Variants in PRKG1 observed in about 807,000 individuals in gnomAD.
PRKG1 encodes the protein protein kinase cGMP-dependent 1.
A neutral mutation model predicts 88.1 loss-of-function variants in PRKG1; 35 were observed. The observed-to-expected ratio is 0.40, with a 90% CI of 0.30 to 0.53. PRKG1 has a LOEUF of 0.53. Ranked by LOEUF, PRKG1 falls within the 20% of genes least tolerant of loss-of-function variation. The pLI, the probability that PRKG1 is intolerant of heterozygous loss-of-function variation, is 0.59. For synonymous variants in PRKG1, 303 were observed against 292.5 expected (o/e 1.04, Z -0.37); for missense variants, 540 against 839.8 (o/e 0.64, Z 4.41).
intron 3 of PRKG1, chr10:51,699,641 C>T (rs1253136858): frequency 3.4e-6 from 5 of 1,450,010 alleles, no homozygotes; most frequent in Non-Finnish European, 4.7e-6. Flanking sequence ...AAGCGGCTTT[C>T]AAGATCCGGG....
intron 2 of PRKG1, among the ~76,000 whole-genome samples, chr10:51,156,357 T>C (rs986753470): frequency 8.0e-6 from 1 of 124,500 alleles, no homozygotes; most frequent in African/African-American, 3.0e-5. Context: ...GAAATACTCA[T>C]GATAGGTGAT....
chr10:51,061,030 T>A (rs983805070), intron 1 of PRKG1, among the ~76,000 whole-genome samples: 2 of 148,742 alleles, frequency 1.3e-5, no homozygotes, highest in African/African-American at 5.1e-5. Flanking sequence ...CTGTTTTTCA[T>A]TGTAACAGTT....
chr10:51,464,219 C>T (rs751772668), intron 2 of PRKG1, among the ~76,000 whole-genome samples: 9 of 151,810 alleles, frequency 5.9e-5, no homozygotes, highest in Non-Finnish European at 1.2e-4. Flanking sequence ...ACCTGGGAGG[C>T]AGAGTTTGCC....
At chr10:51,211,704 C>T (rs1589247822) in intron 2 of PRKG1, among the ~76,000 whole-genome samples, 2 of 152,130 alleles carry the variant, frequency 1.3e-5, no homozygotes, top group South Asian at 4.2e-4. Flanking sequence ...CATGAGTGAG[C>T]TCCCATTCAC....
At chr10:52,015,155 G>T (rs1270060607) in intron 5 of PRKG1, among the ~76,000 whole-genome samples, 2 of 152,208 alleles carry the variant, frequency 1.3e-5, no homozygotes, top group African/African-American at 4.8e-5. Context: ...CCCTAGTATA[G>T]GTTCTCCACG....
At chr10:51,464,421 T>C (rs1319355755) in intron 2 of PRKG1, among the ~76,000 whole-genome samples, 3 of 152,230 alleles carry the variant, frequency 2.0e-5, no homozygotes, top group African/African-American at 7.2e-5. Context: ...TCAAAACTGC[T>C]ATTTCTCAAA....
chr10:51,569,714 C>T (rs1433326627), intron 3 of PRKG1, among the ~76,000 whole-genome samples: 3 of 151,918 alleles, frequency 2.0e-5, no homozygotes, highest in African/African-American at 7.2e-5. Context: ...CAGAAACCAA[C>T]CAGAACTACA....
chr10:51,568,752 C>A (rs756649471), intron 3 of PRKG1: 7 of 94,986 alleles, frequency 7.4e-5, no homozygotes, highest in Admixed American at 4.8e-4. Context: ...CATCATTACA[C>A]CCCCTGGCTT....
intron 2 of PRKG1, among the ~76,000 whole-genome samples, chr10:51,296,806 T>C (rs1840732838): frequency 6.6e-6 from 1 of 152,170 alleles, no homozygotes; most frequent in Non-Finnish European, 1.5e-5. Context: ...GGCATTTATG[T>C]TGTATTTTTG....
intron 5 of PRKG1, chr10:51,908,990 A>C (rs572199704): frequency 6.6e-6 from 1 of 152,184 alleles, no homozygotes; most frequent in Admixed American, 6.5e-5. Flanking sequence ...TCGGCCTCCC[A>C]AAGTGCTGGG....
chr10:52,068,740 AG>A (rs1175553992), intron 7 of PRKG1, among the ~76,000 whole-genome samples: 1 of 152,204 alleles, frequency 6.6e-6, no homozygotes, highest in Non-Finnish European at 1.5e-5. Context: ...GATAAAGTTT[AG>A]TGTACTGGCA....
chr10:51,636,958 C>A (rs1431241289), intron 3 of PRKG1, among the ~76,000 whole-genome samples: 1 of 152,122 alleles, frequency 6.6e-6, no homozygotes, highest in African/African-American at 2.4e-5. Context: ...ATCTTAGCAA[C>A]AAATTGGATT....
chr10:52,210,303 G>A (rs1839933933), intron 9 of PRKG1, among the ~76,000 whole-genome samples: 1 of 151,004 alleles, frequency 6.6e-6, no homozygotes, highest in Admixed American at 6.7e-5. Context: ...GTTAAGTCTC[G>A]GCCACTAGAT....
chr10:51,870,959 C>A (rs1262650219), intron 4 of PRKG1, among the ~76,000 whole-genome samples: 2 of 152,152 alleles, frequency 1.3e-5, no homozygotes, highest in Non-Finnish European at 2.9e-5. Flanking sequence ...TTTACCCCAC[C>A]CCCTAGGCAA....
At chr10:51,263,202 C>A (rs1839757330) in intron 2 of PRKG1, among the ~76,000 whole-genome samples, 1 of 152,162 alleles carries the variant, frequency 6.6e-6, no homozygotes, top group South Asian at 2.1e-4. Flanking sequence ...AGTTTGAGCC[C>A]TTCAGTTATT....
Position 51,153,273 on chromosome 10 carries a change from A to C in PRKG1, c.421A>C (p.Lys141Gln), listed in dbSNP as rs761759814. The C allele has an allele frequency of 2.7e-5, 43 of 1,612,472 alleles. No homozygotes were observed. The East Asian group carries it at 9.6e-4, about 36-fold the overall frequency. ...TTGTATGTACCCGGTGGAGTATGGC[A>C]AGGACAGTTGCATCATCAAAGAAGG... ...VDCMYPVEYGKDSCIIKEGDV... is the reference protein window; with the variant it reads ...VDCMYPVEYGQDSCIIKEGDV... Residue 141 changes from lysine to glutamine, a missense_variant, in exon 2 of 18, where the codon AAG becomes CAG. By Grantham distance (53) the Lys-to-Gln change is moderately conservative. Coordinates refer to ENST00000373980, the MANE Select transcript of PRKG1 (RefSeq NM_006258.4).
chr10:51,248,751 G>T (rs566827904), intron 2 of PRKG1, among the ~76,000 whole-genome samples: 3 of 151,352 alleles, frequency 2.0e-5, no homozygotes, highest in African/African-American at 4.9e-5. Flanking sequence ...ATTCTCTATT[G>T]CAACTACAGT....
chr10:51,715,047 G>C (rs1841853885), intron 3 of PRKG1, among the ~76,000 whole-genome samples: 1 of 152,204 alleles, frequency 6.6e-6, no homozygotes, highest in African/African-American at 2.4e-5. Context: ...TATATGAGCT[G>C]TTCATTGGTA....
In PRKG1 at chr10:52,157,415, C is replaced by T. The variant is rs547856813; in HGVS notation, c.1002-4474C>T. Among the ~76,000 whole-genome samples the T allele has an allele frequency of 4.0e-5, 6 of 148,392 alleles. No individual in the cohort carries two copies. In the South Asian group the frequency reaches 1.3e-3, roughly 31 times the overall value. On this transcript the variant is annotated intron_variant, in intron 8 of 17. Transcript: ENST00000373980. ...ATTTTTTAGCAGTGGTAATGCTGAT[C>T]TCTGATGTTTGGACTGCCTTTCTAA...
Sources: gnomAD v4.1 joint callset for allele counts (sites outside exome capture counted in the v4.1 genomes callset) on GRCh38, gnomAD v4.1.1 for gene constraint, MANE v1.5 for transcripts, NCBI Gene and HGNC (gene_info 2026-07-23, HGNC 2026-07-21) for gene names.